Variants in TASOR2 observed in about 807,000 individuals in gnomAD.
TASOR2 encodes the protein transcription activation suppressor family member 2, also known as protein TASOR 2.
TASOR2 carries 84 observed loss-of-function variants against 199.5 expected under a neutral mutation model. That is an observed-to-expected ratio of 0.42 (90% CI 0.35 to 0.50). The LOEUF is 0.50. Ranked by LOEUF, TASOR2 falls within the 20% of genes least tolerant of loss-of-function variation. TASOR2 has a pLI of 0.02. For missense variants in TASOR2, 2,796 were observed against 2,835.9 expected, an observed-to-expected ratio of 0.99 and a Z score of 0.32; for synonymous variants, 1,103 against 1,046.6, an observed-to-expected ratio of 1.05 and a Z score of -1.04.
In TASOR2 at chr10:5,759,147, A is replaced by G. The variant is rs149560868; in HGVS notation, c.6992+155A>G. Reference sequence around the variant, plus strand: ...GGCTCTGTATTCAATGAAGGAAGCTATGTGCTGTGACCGTAGCCAACAGTA... The same window carrying G: ...GGCTCTGTATTCAATGAAGGAAGCTGTGTGCTGTGACCGTAGCCAACAGTA... On this transcript the variant is annotated intron_variant, in intron 18 of 20. Coordinates refer to ENST00000328090, the Ensembl canonical transcript of TASOR2. Among the ~76,000 whole-genome samples, 643 of 152,304 alleles carry G rather than the reference A, an allele frequency of 4.2e-3. 3 individuals are homozygous for G. The highest frequency in any genetic ancestry group is 0.014 in the Middle Eastern group (4 of 294).
intron 1 of TASOR2, among the ~76,000 whole-genome samples, chr10:5,702,917 A>G (rs1017065569): frequency 1.3e-5 from 2 of 152,222 alleles, no homozygotes; most frequent in Non-Finnish European, 2.9e-5. Flanking sequence ...TTGGTGCAGA[A>G]TAACAGAAAC....
In TASOR2 at chr10:5,748,296, A is replaced by G; in HGVS notation, c.4875A>G (p.Thr1625=). 6.2e-7 allele frequency: 1 copy of G among 1,614,258 alleles called. No homozygotes were observed. Among genetic ancestry groups the G allele is most frequent in the Non-Finnish European group, 8.5e-7 (1 of 1,180,042 alleles). The change falls in exon 15 of 21, where the codon ACA becomes ACG. Residue 1625 remains threonine, a synonymous_variant. Transcript: ENST00000328090. This position sits in a 1 kb window ranked among gnomAD's most constrained non-coding sequence, Gnocchi z 5.1. ...ATCTCTTTCCCGGTGATTTGAAAACAGATGAAGGCATTTATCTGCAGGTGA... is the reference window on the plus strand; with the variant it reads ...ATCTCTTTCCCGGTGATTTGAAAACGGATGAAGGCATTTATCTGCAGGTGA...
chr10:5,727,357 G>T (rs1834179065), intron 10 of TASOR2, among the ~76,000 whole-genome samples: 1 of 152,060 alleles, frequency 6.6e-6, no homozygotes, highest in Admixed American at 6.5e-5. Context: ...ATATCTCAAA[G>T]GTGCCTTAAA....
intron 1 of TASOR2, among the ~76,000 whole-genome samples, chr10:5,695,812 C>A (rs1247824796): frequency 5.9e-5 from 9 of 152,006 alleles, no homozygotes; most frequent in Non-Finnish European, 1.2e-4. Context: ...GAGAGGTAAC[C>A]CAGCAAGGAG....
intron 15 of TASOR2, among the ~76,000 whole-genome samples, chr10:5,753,908 G>A (rs1299897353): frequency 1.3e-5 from 2 of 152,122 alleles, no homozygotes; most frequent in Non-Finnish European, 1.5e-5. Context: ...CCTCTACCCT[G>A]ACATGAGATA....
chr10:5,746,470 T>C, exon 15 of TASOR2: 1 of 1,614,066 alleles, frequency 6.2e-7, no homozygotes, highest in East Asian at 2.2e-5. Flanking sequence ...AACAGGTACT[T>C]TACAGGACCT....
In TASOR2 at chr10:5,731,111, C is replaced by T. The variant is rs990624986; in HGVS notation, c.1112C>T (p.Pro371Leu). 2.5e-6 allele frequency: 4 copies of T among 1,613,330 alleles called. No individual in the cohort carries two copies. The highest frequency in any genetic ancestry group is 3.4e-6 in the Non-Finnish European group (4 of 1,180,044). Residue 371 changes from proline to leucine, a missense_variant, in exon 11 of 21, where the codon CCC becomes CTC. By Grantham distance (98) the Pro-to-Leu change is moderately conservative. Transcript: ENST00000328090. ...AAGGTGAACTTGTGCCGCCCCTTTC[C>T]CAAAAGAACTGCTTCCAGAGCAGAC... is the stretch of plus-strand genomic sequence containing the variant.
At chr10:5,721,029 T>C in intron 6 of TASOR2, 59 bp downstream of exon 7, 2 of 1,332,280 alleles carry the variant, frequency 1.5e-6, no homozygotes, top group South Asian at 2.5e-5. Context: ...TGGGGTTTTT[T>C]TTCCTCACCT....
At chr10:5,697,264 A>G (rs1837276214) in intron 1 of TASOR2, among the ~76,000 whole-genome samples, 1 of 142,958 alleles carries the variant, frequency 7.0e-6, no homozygotes, top group South Asian at 2.4e-4. Context: ...CTTAAACTGC[A>G]TTTTAACAAA....
exon 15 of TASOR2, chr10:5,747,703 C>A (rs551965912): frequency 1.9e-6 from 3 of 1,614,068 alleles, no homozygotes; most frequent in African/African-American, 1.3e-5. Flanking sequence ...TTTAAAACTT[C>A]ATGGTACACA....
intron 18 of TASOR2, among the ~76,000 whole-genome samples, chr10:5,759,890 C>T (rs1439588154): frequency 6.6e-6 from 1 of 152,206 alleles, no homozygotes; most frequent in Non-Finnish European, 1.5e-5. Context: ...CCATTCACAG[C>T]GGACTTCAGT....
At position 5,720,764 on chromosome 10, in the gene TASOR2, C is replaced by T. The variant is rs752369048; in HGVS notation, c.36C>T (p.Arg12=). 2.5e-6 allele frequency: 4 copies of T among 1,611,754 alleles called. No individual in the cohort carries two copies. Among genetic ancestry groups the T allele is most frequent in the African/African-American group, 1.3e-5 (1 of 74,644 alleles). ...TTTCTTTTTCTGCTAGACTTGAACG[C>T]AGTGAAAATGGTAAGAAATAGTTCA... The change falls in exon 5 of 21, where the codon CGC becomes CGT. Residue 12 remains arginine (R), a synonymous_variant. Transcript: ENST00000328090. The surrounding 1 kb of genome is among the most constrained non-coding windows in gnomAD (Gnocchi z 5.3).
chr10:5,729,309 C>G (rs1461048370), intron 10 of TASOR2, among the ~76,000 whole-genome samples: 1 of 150,482 alleles, frequency 6.6e-6, no homozygotes, highest in Non-Finnish European at 1.5e-5. Context: ...GATCACACCA[C>G]TGCACTCCAG....
chr10:5,705,801 T>C (rs576096144), intron 1 of TASOR2, among the ~76,000 whole-genome samples: 1 of 152,292 alleles, frequency 6.6e-6, no homozygotes, highest in East Asian at 1.9e-4. Context: ...TTATATATTC[T>C]AGGTACAGGT....
chr10:5,723,096 G>C (rs963687880), intron 6 of TASOR2, among the ~76,000 whole-genome samples: 1 of 114,532 alleles, frequency 8.7e-6, no homozygotes, highest in African/African-American at 3.4e-5. Flanking sequence ...CTGTCGCCCA[G>C]GCTAGAGTGC....
At chr10:5,688,643 A>C (rs936339718) in intron 1 of TASOR2, among the ~76,000 whole-genome samples, 1 of 151,984 alleles carries the variant, frequency 6.6e-6, no homozygotes, top group Non-Finnish European at 1.5e-5. Flanking sequence ...TTACCTACAC[A>C]TGTGTCATTT....
intron 20 of TASOR2, 51 bp downstream of exon 21, chr10:5,762,697 G>T: frequency 1.2e-6 from 1 of 852,746 alleles, no homozygotes; most frequent in Non-Finnish European, 1.9e-6. Flanking sequence ...GTTGTTGATG[G>T]CAAATATTGA....
chr10:5,731,098 T>A, exon 11 of TASOR2: 2 of 1,613,798 alleles, frequency 1.2e-6, no homozygotes, highest in Non-Finnish European at 1.7e-6. Context: ...GGTGAACTTG[T>A]GCCGCCCCTT....
intron 19 of TASOR2, chr10:5,761,788 C>G (rs1331947856): frequency 5.5e-6 from 1 of 180,648 alleles, no homozygotes; most frequent in African/African-American, 2.4e-5. Flanking sequence ...AATCCCAGCA[C>G]TTTGGGAGGC....
Sources: allele counts gnomAD v4.1 joint callset (sites outside exome capture counted in the v4.1 genomes callset), GRCh38; gene constraint gnomAD v4.1.1; non-coding constraint Gnocchi (gnomAD v3.1); transcripts MANE v1.5; gene names NCBI Gene and HGNC (gene_info 2026-07-23, HGNC 2026-07-21).